The following CCDC24 variants were observed in gnomAD, a reference collection of about 807,000 sequenced individuals.
CCDC24 encodes coiled-coil domain containing 24.
Under a neutral mutation model 31.6 loss-of-function variants are expected in CCDC24, and 34 were observed. That is an observed-to-expected ratio of 1.08 (90% CI 0.82 to 1.43). The LOEUF is 1.43. Among genes scored for constraint, CCDC24 ranks in the 40% most tolerant of loss-of-function variants. The pLI is 0.00. For missense variants in CCDC24, 426 were observed against 391.1 expected, an observed-to-expected ratio of 1.09 and a Z score of -0.75; for synonymous variants, 175 against 157.3, an observed-to-expected ratio of 1.11 and a Z score of -0.84.
At position 43,991,745 on chromosome 1, in the gene CCDC24, G is replaced by A. The variant is rs1208419043; in HGVS notation, c.-34G>A. On this transcript the variant is annotated splice_region_variant and 5_prime_UTR_variant, in exon 1 of 9. Coordinates refer to ENST00000372318, the MANE Select transcript of CCDC24 (RefSeq NM_152499.4). ...GCCGAGGGGACCAGCGGCAGAGCAC[G>A]GGTGGGGCTTGGGAGAGGGCGGGGC... The A allele has an allele frequency of 1.7e-6, 2 of 1,164,770 alleles. No homozygotes were observed. The highest frequency in any genetic ancestry group is 1.5e-5 in the African/African-American group (1 of 65,904). 72.2% of individuals were successfully genotyped at this position (1,164,770 alleles called of 1,614,324 possible).
chr1:43,994,811 G>A, intron 5 of CCDC24: 1 of 486,044 alleles, frequency 2.1e-6, no homozygotes, highest in South Asian at 3.2e-5. Context: ...CAGCGGAAGG[G>A]CTGTGATGTG....
chr1:43,994,083 G>A (rs878976184), intron 5 of CCDC24, 119 bp downstream of exon 5: 9 of 875,470 alleles, frequency 1.0e-5, no homozygotes, highest in African/African-American at 3.3e-5. Context: ...GCCCATGTGC[G>A]TAAGGCTGAG....
In CCDC24 at chr1:43,992,325, C is replaced by T; in HGVS notation, c.240C>T (p.Leu80=). ...CACCACCGCCTCTCCTAAAGGACCT[C>T]TTGCGCCAGGAGCTCCGGCAGTTGC... ...LLAPPPLLKD[L]LRQELRQLLQ... The change falls in exon 3 of 9, where the codon CTC becomes CTT. Residue 80 remains leucine (L), a synonymous_variant. Transcript: ENST00000372318. The T allele has an allele frequency of 1.2e-6, 2 of 1,614,232 alleles. No individual in the cohort carries two copies.
In CCDC24 at chr1:43,991,882, C is replaced by T. The variant is rs761260729; in HGVS notation, c.4C>T (p.Leu2Phe). The stretch of plus-strand genomic sequence containing the variant: ...GGGACGGCGGCGTCGGTGGGTCATG[C>T]TCCGGCACTCCCCCTCGCTGTGGGA... M[L>F]RHSPSLWELV... The change falls in exon 2 of 9, where the codon CTC becomes TTC. Residue 2 changes from leucine (L) to phenylalanine (F), a missense_variant. Leu to Phe is a conservative substitution (Grantham distance 22). Transcript: ENST00000372318. 1.9e-6 allele frequency: 3 copies of T among 1,552,474 alleles called. No individual in the cohort carries two copies. Among genetic ancestry groups the T allele is most frequent in the East Asian group, 4.9e-5 (2 of 41,206 alleles).
chr1:43,992,262 C>T lies in CCDC24; in HGVS notation c.177C>T (p.Pro59=). The change falls in exon 3 of 9, where the codon CCC becomes CCT. Residue 59 remains proline (P), a synonymous_variant. Coordinates refer to ENST00000372318, the MANE Select transcript of CCDC24 (RefSeq NM_152499.4). ...LLQEARSSQA[P]SSRPISDPSS... ...AAGAGGCTCGATCCTCTCAAGCCCC[C>T]AGCTCCCGCCCCATCTCTGACCCCT... The T allele has an allele frequency of 1.2e-6, 2 of 1,614,112 alleles. No individual in the cohort carries two copies. Among genetic ancestry groups the T allele is most frequent in the South Asian group, 1.1e-5 (1 of 91,070 alleles).
At chr1:43,992,070 G>C in intron 2 of CCDC24, 66 bp downstream of exon 2, 1 of 1,439,362 alleles carries the variant, frequency 6.9e-7, no homozygotes, top group Non-Finnish European at 9.3e-7. Context: ...TCCCACCTCT[G>C]CGGGTCCCTG....
chr1:43,993,451 AAAAAG>A (rs2085779868), intron 4 of CCDC24, among the ~76,000 whole-genome samples: 1 of 151,790 alleles, frequency 6.6e-6, no homozygotes, highest in Non-Finnish European at 1.5e-5. Context: ...AAGAAAAAAA[AAAAAG>A]AAGCCTGGGC....
Position 43,992,210 on chromosome 1 carries a change from A to G in CCDC24, c.127-2A>G, listed in dbSNP as rs780959263. On this transcript the variant is annotated splice_acceptor_variant, in intron 2 of 8. Coordinates refer to ENST00000372318, the MANE Select transcript of CCDC24 (RefSeq NM_152499.4). LOFTEE classifies it high-confidence loss of function. ...CGCAAGGTATCCCAGCTCTCCTTGC[A>G]GGTGGCGATGTTACGGGCACTGCTC... The G allele has an allele frequency of 8.1e-6, 13 of 1,608,920 alleles. No individual in the cohort carries two copies. Among genetic ancestry groups the G allele is most frequent in the East Asian group, 2.2e-5 (1 of 44,742 alleles).
At chr1:43,993,326 C>T (rs2085778380) in intron 4 of CCDC24, among the ~76,000 whole-genome samples, 1 of 151,304 alleles carries the variant, frequency 6.6e-6, no homozygotes, top group Admixed American at 6.6e-5. Context: ...TGCCTGTATT[C>T]CCAGCTACTT....
Position 43,995,158 on chromosome 1 carries a change from T to A in CCDC24, c.548T>A (p.Leu183Gln). Reference protein sequence around the residue: ...CHTLEREILILQRCLEEEYLR... With the variant: ...CHTLEREILIQQRCLEEEYLR... ...ACCTTGGAGAGGGAGATCCTCATCC[T>A]GCAGGTGAGCCGCAGCCCTGGGCCC... The change falls in exon 6 of 9, where the codon CTG becomes CAG. Residue 183 changes from leucine to glutamine, a missense_variant. Leu to Gln is a moderately radical substitution (Grantham distance 113). Transcript: ENST00000372318. The surrounding 1 kb of genome is among the most constrained non-coding windows in gnomAD (Gnocchi z 4.3). 6.4e-7 allele frequency: 1 copy of A among 1,572,664 alleles called. No individual in the cohort carries two copies. Among genetic ancestry groups the A allele is most frequent in the East Asian group, 2.3e-5 (1 of 42,632 alleles).
rs763229790 is a variant in CCDC24, at chr1:43,992,305, C to A, written c.220C>A (p.Pro74Thr). 6.2e-7 allele frequency: 1 copy of A among 1,614,226 alleles called. No homozygotes were observed. Among genetic ancestry groups the A allele is most frequent in the South Asian group, 1.1e-5 (1 of 91,088 alleles). Residue 74 changes from proline to threonine, a missense_variant, in exon 3 of 9, where the codon CCG becomes ACG. Coordinates refer to ENST00000372318, the MANE Select transcript of CCDC24 (RefSeq NM_152499.4). The part of the protein sequence containing the change: ...ISDPSSLLAP[P>T]PLLKDLLRQE... ...TGACCCCTCTTCTCTTCTGGCACCA[C>A]CGCCTCTCCTAAAGGACCTCTTGCG...
rs2085787325 is a variant in CCDC24, at chr1:43,993,962, G to A, written c.495G>A (p.Leu165=). 4 of 1,614,060 alleles carry A rather than the reference G, an allele frequency of 2.5e-6. No individual in the cohort carries two copies. Among genetic ancestry groups the A allele is most frequent in the Non-Finnish European group, 3.4e-6 (4 of 1,179,922 alleles). ...ACATTGACCAGGTGGCCAGACACCT[G>A]AGGTGAGGCCCAGGGGCACCTGCAT... The part of the protein sequence containing the change: ...VSNIDQVARH[L]RGLLEEECHT... Residue 165 remains leucine (L), a splice_region_variant and synonymous_variant, in exon 5 of 9, where the codon CTG becomes CTA. Transcript: ENST00000372318.
Position 43,992,421 on chromosome 1 carries a change from T to C in CCDC24, c.302+34T>C, listed in dbSNP as rs779720531. On this transcript the variant is annotated intron_variant, in intron 3 of 8. Transcript: ENST00000372318. ...CTCAGGCCTGGGCCCTTTCCCTAGATACCAGGTGGGCTAGCGCTGCCCCTA... is the reference window on the plus strand; with the variant it reads ...CTCAGGCCTGGGCCCTTTCCCTAGACACCAGGTGGGCTAGCGCTGCCCCTA... The C allele has an allele frequency of 7.4e-6, 12 of 1,613,452 alleles. No individual in the cohort carries two copies. The Admixed American group carries it at 1.8e-4, about 25-fold the overall frequency.
Position 43,995,126 on chromosome 1 carries a change from G to A in CCDC24, c.516G>A (p.Glu172=), listed in dbSNP as rs2085813647. The A allele has an allele frequency of 6.3e-7, 1 of 1,583,274 alleles. No homozygotes were observed. The highest frequency in any genetic ancestry group is 8.6e-7 in the Non-Finnish European group (1 of 1,165,304). ...GTCCCAGGGGCCTTCTGGAGGAGGA[G>A]TGTCACACCTTGGAGAGGGAGATCC... The part of the protein sequence containing the change: ...ARHLRGLLEE[E]CHTLEREILI... Residue 172 remains glutamate, a synonymous_variant, in exon 6 of 9, where the codon GAG becomes GAA. Transcript: ENST00000372318. The surrounding 1 kb of genome is among the most constrained non-coding windows in gnomAD (Gnocchi z 4.3).
rs2085857161 is a variant in CCDC24, at chr1:43,996,266, CTCTCGCCAGGACCCCAAGGCTGTTGG to C, written c.*110_*135del. ...CAGCTTCAGATCTGGTCTTGGCGAG[CTCTCGCCAGGACCCCAAGGCTGTTGG>C]TCTGTCTGGCCCTTGCCCCACCCCC... is the stretch of plus-strand genomic sequence containing the variant. On this transcript the variant is annotated 3_prime_UTR_variant, in exon 9 of 9. Transcript: ENST00000372318. 9.3e-7 allele frequency: 1 copy of C among 1,072,530 alleles called. No individual in the cohort carries two copies. The allele number at this position is 1,072,530 out of a possible 1,614,324, so 66.4% of individuals were successfully genotyped here.
At position 43,995,065 on chromosome 1, in the gene CCDC24, G is replaced by A. The variant is rs372687674; in HGVS notation, c.498-43G>A. 4 of 1,549,844 alleles carry A rather than the reference G, an allele frequency of 2.6e-6. No homozygotes were observed. The African/African-American group carries it at 4.1e-5, about 16-fold the overall frequency. ...ATGTGGTGGACTCAGCTGAGCCCTG[G>A]TCCTGTGTCTCGGGTTCTGGCTGCT... is the stretch of plus-strand genomic sequence containing the variant. On this transcript the variant is annotated intron_variant, in intron 5 of 8. Transcript: ENST00000372318. The surrounding 1 kb of genome is among the most constrained non-coding windows in gnomAD (Gnocchi z 4.3).
chr1:43,996,453 T>TG lies in CCDC24; in HGVS notation c.*298dup. The TG allele has an allele frequency of 2.5e-6, 1 of 395,900 alleles. No homozygotes were observed. Among genetic ancestry groups the TG allele is most frequent in the Non-Finnish European group, 4.5e-6 (1 of 222,064 alleles). The allele number at this position is 395,900 out of a possible 1,614,324, so 24.5% of individuals were successfully genotyped here. A position where few individuals can be genotyped will look rare whatever the true frequency, so the allele number is the denominator to read the frequency against. ...TCATTCCAGCCTGACTCTTGTCCCC[T>TG]GGGGGACCCAGACAAAGCACAGCAG... On this transcript the variant is annotated 3_prime_UTR_variant, in exon 9 of 9. Transcript: ENST00000372318.
Position 43,996,075 on chromosome 1 carries a change from G to T in CCDC24, c.839G>T (p.Arg280Leu). Residue 280 changes from arginine (R) to leucine (L), a missense_variant, in exon 9 of 9, where the codon CGC (arginine) becomes CTC (leucine). Arg to Leu is a moderately radical substitution (Grantham distance 102). Transcript: ENST00000372318. The part of the protein sequence containing the change: ...LRPRGQSATH[R>L]WGRQLQCSPR... ...CCTCGAGGCCAGTCGGCTACCCACC[G>T]CTGGGGACGGCAGCTTCAGTGCAGC... 6.2e-7 allele frequency: 1 copy of T among 1,614,006 alleles called. No homozygotes were observed. Among genetic ancestry groups the T allele is most frequent in the Non-Finnish European group, 8.5e-7 (1 of 1,180,008 alleles).
At chr1:43,991,796 C>G (rs539943737) in intron 1 of CCDC24, 50 bp downstream of exon 1, 2 of 1,513,050 alleles carry the variant, frequency 1.3e-6, no homozygotes, top group Non-Finnish European at 1.8e-6. Context: ...GTTTGGTGAG[C>G]GTTGCCGGCG....
Sources: gnomAD v4.1 joint callset for allele counts (sites outside exome capture counted in the v4.1 genomes callset) on GRCh38, gnomAD v4.1.1 for gene constraint, Gnocchi (gnomAD v3.1) non-coding constraint, MANE v1.5 for transcripts, NCBI Gene and HGNC (gene_info 2026-07-23, HGNC 2026-07-21) for gene names.